Variants in EYS observed in about 807,000 individuals in gnomAD.
The protein encoded by EYS is EGF-like photoreceptor maintenance factor.
Under a neutral mutation model 282.1 loss-of-function variants are expected in EYS, and 250 were observed. The ratio of observed to expected loss-of-function variants is 0.89; its 90% confidence interval spans 0.80 to 0.98. EYS has a LOEUF of 0.98. EYS is among the 50% of genes least tolerant of loss of function. The probability of loss-of-function intolerance (pLI) is 0.00; values close to 1 mark genes in which losing one functional copy is unlikely to be tolerated. For missense variants in EYS, 4,016 were observed against 3,709.0 expected (o/e 1.08, Z -2.15); for synonymous variants, 1,355 against 1,282.9 (o/e 1.06, Z -1.20).
chr6:64,784,902 G>T (rs1773971027), intron 22 of EYS, among the ~76,000 whole-genome samples: 1 of 151,988 alleles, frequency 6.6e-6, no homozygotes, highest in African/African-American at 2.4e-5. Context: ...TGTATTCGAG[G>T]CCCCTTTTCT....
chr6:64,117,335 C>CG (rs1303504775), intron 31 of EYS, among the ~76,000 whole-genome samples: 4 of 149,912 alleles, frequency 2.7e-5, no homozygotes, highest in Admixed American at 6.6e-5. Context: ...ACAACCCCCC[C>CG]CCCAATTAGT....
Position 65,162,358 on chromosome 6 carries a change from C to T in EYS, c.2024-104631G>A, listed in dbSNP as rs77905612. On this transcript the variant is annotated intron_variant, in intron 12 of 42. Transcript: ENST00000503581. Reference sequence around the variant, plus strand: ...TGAAATACAAGAAATAATTAGAATGCGTGAGATAGAGAGGAAAATCCTCGG... The same window carrying T: ...TGAAATACAAGAAATAATTAGAATGTGTGAGATAGAGAGGAAAATCCTCGG... 9.9e-3 allele frequency among the ~76,000 whole-genome samples: 1,496 copies of T among 151,196 alleles called. 25 individuals are homozygous for T. Among genetic ancestry groups the T allele is most frequent in the African/African-American group, 0.034 (1,408 of 41,350 alleles).
chr6:64,158,300 T>A (rs1329731688), intron 31 of EYS, among the ~76,000 whole-genome samples: 3 of 152,202 alleles, frequency 2.0e-5, no homozygotes, highest in Non-Finnish European at 4.4e-5. Flanking sequence ...TCAACAAACT[T>A]TTGCTGAATT....
At chr6:64,041,790 T>C (rs1770404226) in intron 33 of EYS, among the ~76,000 whole-genome samples, 1 of 152,198 alleles carries the variant, frequency 6.6e-6, no homozygotes, top group Non-Finnish European at 1.5e-5. Context: ...CACATATTAA[T>C]TGGAAATCTT....
At chr6:64,157,006 C>T (rs1774945966) in intron 31 of EYS, among the ~76,000 whole-genome samples, 1 of 151,670 alleles carries the variant, frequency 6.6e-6, no homozygotes. Context: ...AACTCGTCAT[C>T]TAGCATTAGG....
chr6:65,289,914 T>C (rs1768476944), intron 12 of EYS, among the ~76,000 whole-genome samples: 1 of 151,156 alleles, frequency 6.6e-6, no homozygotes, highest in Non-Finnish European at 1.5e-5. Flanking sequence ...TTATTAATGA[T>C]ACATTAACAC....
chr6:64,508,345 A>G (rs1393812043), intron 26 of EYS, among the ~76,000 whole-genome samples: 3 of 151,968 alleles, frequency 2.0e-5, no homozygotes, highest in Non-Finnish European at 4.4e-5. Flanking sequence ...CATGCAGAGT[A>G]ACTCAAACAG....
intron 28 of EYS, among the ~76,000 whole-genome samples, chr6:64,392,334 G>C (rs1251301482): frequency 2.7e-5 from 4 of 149,686 alleles, no homozygotes; most frequent in African/African-American, 1.0e-4. Context: ...TTTTTTTCCA[G>C]CATCACACCA....
At chr6:64,329,051 C>A (rs1026975897) in intron 29 of EYS, among the ~76,000 whole-genome samples, 1 of 152,056 alleles carries the variant, frequency 6.6e-6, no homozygotes, top group African/African-American at 2.4e-5. Context: ...TGGCAGGAAT[C>A]AATTATTATT....
intron 29 of EYS, among the ~76,000 whole-genome samples, chr6:64,338,959 C>T (rs1770978763): frequency 1.1e-5 from 1 of 90,624 alleles, no homozygotes; most frequent in South Asian, 3.8e-4. Context: ...GGATCCTCAT[C>T]TCCCACATTA....
At chr6:65,121,180 A>C (rs1232426278) in intron 12 of EYS, among the ~76,000 whole-genome samples, 1 of 152,098 alleles carries the variant, frequency 6.6e-6, no homozygotes, top group South Asian at 2.1e-4. Context: ...ACCACTGAGC[A>C]ATTCGTTTCA....
chr6:65,343,665 T>G (rs1382608803), intron 10 of EYS, among the ~76,000 whole-genome samples: 1 of 151,160 alleles, frequency 6.6e-6, no homozygotes, highest in East Asian at 2.0e-4. Flanking sequence ...ATTAGAAATC[T>G]CTCAGAGATT....
At chr6:64,385,882 G>A (rs1772892182) in intron 29 of EYS, among the ~76,000 whole-genome samples, 1 of 152,124 alleles carries the variant, frequency 6.6e-6, no homozygotes, top group Non-Finnish European at 1.5e-5. Context: ...TTTGGTTCTT[G>A]TGACATTTTT....
intron 16 of EYS, among the ~76,000 whole-genome samples, chr6:64,904,586 G>C (rs1583279807): frequency 6.6e-6 from 1 of 152,194 alleles, no homozygotes; most frequent in African/African-American, 2.4e-5. Flanking sequence ...AATTGAGAAA[G>C]TTGAGTGTAT....
At chr6:64,734,304 T>C (rs1355182695) in intron 22 of EYS, among the ~76,000 whole-genome samples, 3 of 152,122 alleles carry the variant, frequency 2.0e-5, no homozygotes, top group Admixed American at 6.5e-5. Flanking sequence ...AAGTTATCTA[T>C]AGAAAAAAAT....
intron 30 of EYS, among the ~76,000 whole-genome samples, chr6:64,296,858 G>A (rs1028205969): frequency 2.0e-5 from 3 of 152,046 alleles, no homozygotes; most frequent in Non-Finnish European, 4.4e-5. Context: ...AACTGCCTGG[G>A]CCTCCCAAAG....
intron 36 of EYS, among the ~76,000 whole-genome samples, chr6:63,840,316 G>A (rs1023050240): frequency 4.6e-5 from 7 of 151,062 alleles, no homozygotes; most frequent in South Asian, 4.2e-4. Context: ...CACCTGCCTC[G>A]GCCTCCCAAA....
intron 31 of EYS, among the ~76,000 whole-genome samples, chr6:64,135,600 G>A (rs1774134186): frequency 1.3e-5 from 2 of 152,046 alleles, no homozygotes; most frequent in South Asian, 2.1e-4. Flanking sequence ...TTAAGAAGGA[G>A]TACAGGCATA....
At chr6:65,420,408 C>T (rs1224919375) in intron 5 of EYS, among the ~76,000 whole-genome samples, 1 of 147,262 alleles carries the variant, frequency 6.8e-6, no homozygotes, top group African/African-American at 2.7e-5. Flanking sequence ...CACGAAATGG[C>T]AGCAATTCAT....
Sources: allele counts gnomAD v4.1 joint callset (sites outside exome capture counted in the v4.1 genomes callset), GRCh38; gene constraint gnomAD v4.1.1; transcripts MANE v1.5; gene names NCBI Gene and HGNC (gene_info 2026-07-23, HGNC 2026-07-21).